POLE2: variants seen among roughly 807,000 people sequenced by gnomAD.
POLE2 encodes DNA polymerase epsilon subunit 2.
Under a neutral mutation model 79.4 loss-of-function variants are expected in POLE2, and 56 were observed. That is an observed-to-expected ratio of 0.71 (90% CI 0.57 to 0.88). POLE2 has a LOEUF of 0.88. POLE2 is among the 40% of genes least tolerant of loss of function. POLE2 has a pLI of 0.00. For missense variants in POLE2, 598 were observed against 638.9 expected, an observed-to-expected ratio of 0.94 and a Z score of 0.69; for synonymous variants, 212 against 214.0, an observed-to-expected ratio of 0.99 and a Z score of 0.08.
At chr14:49,658,896 CT>C (rs960312569) in intron 10 of POLE2, among the ~76,000 whole-genome samples, 20 of 148,296 alleles carry the variant, frequency 1.3e-4, no homozygotes, top group East Asian at 2.0e-4. Context: ...AGTCCTTCTA[CT>C]TTTTTTTTTA....
chr14:49,664,361 A>AG (rs1421343102), intron 9 of POLE2, among the ~76,000 whole-genome samples: 1 of 127,284 alleles, frequency 7.9e-6, no homozygotes, highest in African/African-American at 3.8e-5. Context: ...AAAAAAAAAG[A>AG]AAAAAAAAAA....
At position 49,665,151 on chromosome 14, in the gene POLE2, G is replaced by GA; in HGVS notation, c.588dup (p.Leu197SerfsTer13). The GA allele has an allele frequency of 1.5e-6, 2 of 1,378,982 alleles. No individual in the cohort carries two copies. Among genetic ancestry groups the GA allele is most frequent in the Non-Finnish European group, 2.1e-6 (2 of 971,588 alleles). The allele number at this position is 1,378,982 out of a possible 1,614,324, so 85.4% of individuals were successfully genotyped here. The stretch of plus-strand genomic sequence containing the variant: ...TGGACTGTTCCAGTAGGATCTTCCA[G>GA]AAAAAATTTTCCCTAAAAAAATGAA... On this transcript the variant is annotated frameshift_variant, in exon 8 of 19. Coordinates refer to ENST00000216367, the MANE Select transcript of POLE2 (RefSeq NM_002692.4). LOFTEE classifies it high-confidence loss of function.
At chr14:49,678,803 C>T (rs115425768) in intron 3 of POLE2, among the ~76,000 whole-genome samples, 6,883 of 151,834 alleles carry the variant, frequency 0.045, 498 homozygotes, top group African/African-American at 0.15. Flanking sequence ...ATTACAGGTG[C>T]GCCCCACTAC....
intron 3 of POLE2, among the ~76,000 whole-genome samples, chr14:49,678,301 C>G (rs1886449811): frequency 6.6e-6 from 1 of 151,858 alleles, no homozygotes. Flanking sequence ...CTGCGCCCAG[C>G]CTGCTTTTCT....
intron 18 of POLE2, among the ~76,000 whole-genome samples, chr14:49,645,579 T>TA (rs1883704303): frequency 6.6e-6 from 1 of 152,166 alleles, no homozygotes; most frequent in African/African-American, 2.4e-5. Context: ...CCACAGCAGA[T>TA]AAAGGAAGCA....
rs1566565764 is a variant in POLE2, at chr14:49,677,521, C to G, written c.245+2204G>C. On this transcript the variant is annotated intron_variant, in intron 3 of 18. Coordinates refer to ENST00000216367, the MANE Select transcript of POLE2 (RefSeq NM_002692.4). ...CATGCCTCACATGAAGGGCTCCCACCAGGCCCTGACCCTGCCGGACTAGGC... is the reference window on the plus strand; with the variant it reads ...CATGCCTCACATGAAGGGCTCCCACGAGGCCCTGACCCTGCCGGACTAGGC... 3 of 494,408 alleles carry G rather than the reference C, an allele frequency of 6.1e-6. No individual in the cohort carries two copies. The East Asian group carries it at 1.1e-4, about 18-fold the overall frequency. 30.6% of individuals were successfully genotyped at this position (494,408 alleles called of 1,614,324 possible).
intron 1 of POLE2, 77 bp downstream of exon 1, chr14:49,688,059 G>T: frequency 8.1e-7 from 1 of 1,232,932 alleles, no homozygotes; most frequent in Non-Finnish European, 1.1e-6. Flanking sequence ...AGCCGCCGCG[G>T]TGCGTCCCGC....
Position 49,651,371 on chromosome 14 carries a change from C to A in POLE2, c.1218G>T (p.Gln406His). The change falls in exon 16 of 19, where the codon CAG (glutamine) becomes CAT (histidine). Residue 406 changes from glutamine to histidine, a missense_variant. Gln to His is a conservative substitution (Grantham distance 24). Transcript: ENST00000216367. The part of the protein sequence containing the change: ...SVFTTNPCRI[Q>H]YCTQEITVFR... ...AGACAGTAATTTCCTGTGTACAGTACTGAATTCTGAAATGAAAACAGTAGT... is the reference window on the plus strand; with the variant it reads ...AGACAGTAATTTCCTGTGTACAGTAATGAATTCTGAAATGAAAACAGTAGT... 1 of 1,363,254 alleles carries A rather than the reference C, an allele frequency of 7.3e-7. No individual in the cohort carries two copies. Among genetic ancestry groups the A allele is most frequent in the Non-Finnish European group, 1.0e-6 (1 of 983,492 alleles). The allele number at this position is 1,363,254 out of a possible 1,614,324, so 84.4% of individuals were successfully genotyped here. A position where few individuals can be genotyped will look rare whatever the true frequency, so the allele number is the denominator to read the frequency against.
At chr14:49,658,375 C>G (rs568594306) in intron 10 of POLE2, among the ~76,000 whole-genome samples, 6 of 152,270 alleles carry the variant, frequency 3.9e-5, no homozygotes, top group African/African-American at 1.4e-4. Context: ...CGCGCCCGGC[C>G]CCTCTGGTCA....
At chr14:49,671,125 A>G (rs1279789266) in intron 5 of POLE2, among the ~76,000 whole-genome samples, 2 of 152,206 alleles carry the variant, frequency 1.3e-5, no homozygotes, top group African/African-American at 4.8e-5. Flanking sequence ...CTCAGAAGGG[A>G]TAAGTGGCAC....
At chr14:49,658,960 A>G (rs1047747826) in intron 10 of POLE2, among the ~76,000 whole-genome samples, 2 of 152,134 alleles carry the variant, frequency 1.3e-5, no homozygotes, top group African/African-American at 4.8e-5. Flanking sequence ...AGAAGAACGC[A>G]TTGTTACTAC....
chr14:49,657,299 G>C (rs1411649567), intron 10 of POLE2, among the ~76,000 whole-genome samples: 1 of 151,956 alleles, frequency 6.6e-6, no homozygotes, highest in Non-Finnish European at 1.5e-5. Flanking sequence ...GAAAAACACA[G>C]GTTACAAAGC....
intron 1 of POLE2, among the ~76,000 whole-genome samples, chr14:49,685,354 CCA>C (rs1299349830): frequency 1.4e-4 from 22 of 152,294 alleles, no homozygotes; most frequent in Non-Finnish European, 2.6e-4. Context: ...TGCCATCCTT[CCA>C]CAGAGTTCTA....
chr14:49,650,560 A>AG, intron 16 of POLE2, 119 bp from the exon 17 acceptor site: 4 of 579,624 alleles, frequency 6.9e-6, no homozygotes, highest in Non-Finnish European at 1.1e-5. Flanking sequence ...TTGAGAAACT[A>AG]GGAAAGCTTT....
chr14:49,654,300 C>T (rs1884489980), intron 13 of POLE2, 86 bp from the exon 14 acceptor site: 2 of 894,390 alleles, frequency 2.2e-6, no homozygotes, highest in South Asian at 3.2e-5. Flanking sequence ...CCTTTGTTTT[C>T]TCTTTAAAAT....
rs184788043 is a variant in POLE2 at position 49,674,978 on chromosome 14, A to C, written c.246-551T>G. On this transcript the variant is annotated intron_variant, in intron 3 of 18. Coordinates refer to ENST00000216367, the MANE Select transcript of POLE2 (RefSeq NM_002692.4). ...AAACTCTCAAGAAAAAAATTAATCA[A>C]GTTAATTTCCAGTTAAGAATTTCAT... 5.3e-5 allele frequency among the ~76,000 whole-genome samples: 8 copies of C among 152,330 alleles called. No individual in the cohort carries two copies. In the East Asian group the frequency reaches 1.5e-3, roughly 29 times the overall value.
At chr14:49,645,394 T>C (rs1883691994) in intron 18 of POLE2, among the ~76,000 whole-genome samples, 1 of 152,240 alleles carries the variant, frequency 6.6e-6, no homozygotes, top group African/African-American at 2.4e-5. Context: ...AGAAGGCTTC[T>C]TAGGAGAAAC....
At chr14:49,663,933 A>T (rs1034261133) in intron 9 of POLE2, among the ~76,000 whole-genome samples, 1 of 151,878 alleles carries the variant, frequency 6.6e-6, no homozygotes, top group Non-Finnish European at 1.5e-5. Flanking sequence ...GCTATTAGGG[A>T]GGCTGAGGCA....
Position 49,651,942 on chromosome 14 carries a change from G to A in POLE2, c.1212-565C>T, listed in dbSNP as rs112281511. On this transcript the variant is annotated intron_variant, in intron 15 of 18. Coordinates refer to ENST00000216367, the MANE Select transcript of POLE2 (RefSeq NM_002692.4). ...CGCCTGGCATCCTTGAGGAACAGAAGGGAGGCTAGTGTGGCTGGAGTAAAT... is the reference window on the plus strand; with the variant it reads ...CGCCTGGCATCCTTGAGGAACAGAAAGGAGGCTAGTGTGGCTGGAGTAAAT... Among the ~76,000 whole-genome samples the A allele has an allele frequency of 2.5e-3, 383 of 152,172 alleles. 5 individuals carry two copies. Among genetic ancestry groups the A allele is most frequent in the African/African-American group, 8.4e-3 (351 of 41,544 alleles).
Sources: allele counts gnomAD v4.1 joint callset (sites outside exome capture counted in the v4.1 genomes callset), GRCh38; gene constraint gnomAD v4.1.1; transcripts MANE v1.5; gene names NCBI Gene and HGNC (gene_info 2026-07-23, HGNC 2026-07-21).